ENTPD1: variants seen among roughly 807,000 people sequenced by gnomAD.
ENTPD1 encodes ATP diphosphohydrolase.
Under a neutral mutation model 57.0 loss-of-function variants are expected in ENTPD1, and 33 were observed. That is an observed-to-expected ratio of 0.58 (90% CI 0.44 to 0.77). The LOEUF is 0.77. Among genes scored for constraint, ENTPD1 ranks in the 30% least tolerant of loss-of-function variants. ENTPD1 has a pLI of 0.00. For missense variants in ENTPD1, 501 were observed against 603.4 expected, an observed-to-expected ratio of 0.83 and a Z score of 1.78; for synonymous variants, 202 against 218.8, an observed-to-expected ratio of 0.92 and a Z score of 0.68.
chr10:95,868,960 T>C lies in ENTPD1; in HGVS notation c.*2577T>C. On this transcript the variant is annotated 3_prime_UTR_variant, in exon 10 of 10. Transcript: ENST00000371205. ...CAGACACAACCTAACCCCAATTATT[T>C]TGGCAGGAAGGTTGGTTTAGAGGCA... 1.0e-6 allele frequency: 1 copy of C among 985,336 alleles called. No homozygotes were observed. Among genetic ancestry groups the C allele is most frequent in the South Asian group, 4.7e-5 (1 of 21,280 alleles). The allele number at this position is 985,336 out of a possible 1,614,324, so 61.0% of individuals were successfully genotyped here. A position where few individuals can be genotyped will look rare whatever the true frequency, so the allele number is the denominator to read the frequency against.
chr10:95,758,031 G>A (rs11188473), intron 1 of ENTPD1, among the ~76,000 whole-genome samples: 5,380 of 23,988 alleles, frequency 0.22, 369 homozygotes, highest in South Asian at 0.24. Context: ...AAAAAAAAAA[G>A]ATTTGGACTG....
chr10:95,705,934 T>C, the ENTPD1 span, among the ~76,000 whole-genome samples: 1 of 152,174 alleles, frequency 6.6e-6, no homozygotes, highest in Non-Finnish European at 1.5e-5. Flanking sequence ...CTCGTCTCTA[T>C]GAAAAATTTA....
At chr10:95,743,323 C>T (rs1159767563) in intron 1 of ENTPD1, among the ~76,000 whole-genome samples, 4 of 152,190 alleles carry the variant, frequency 2.6e-5, no homozygotes, top group Non-Finnish European at 5.9e-5. Flanking sequence ...GTGTTATCAA[C>T]ATGATTTATC....
At chr10:95,788,852 TAAAC>T (rs2098191399) in intron 1 of ENTPD1, among the ~76,000 whole-genome samples, 1 of 152,188 alleles carries the variant, frequency 6.6e-6, no homozygotes, top group South Asian at 2.1e-4. Context: ...TTTTATAAAA[TAAAC>T]AGTTTTCCCC....
intron 3 of ENTPD1, among the ~76,000 whole-genome samples, chr10:95,840,791 ACTTTTATCT>A (rs1313481295): frequency 2.0e-5 from 3 of 152,098 alleles, no homozygotes; most frequent in Non-Finnish European, 2.9e-5. Context: ...AGTCTCTCTG[ACTTTTATCT>A]CTCTTAGCCT....
Position 95,823,302 on chromosome 10 carries a change from G to C in ENTPD1, c.82G>C (p.Ala28Pro), listed in dbSNP as rs1407512982. 10 of 1,614,178 alleles carry C rather than the reference G, an allele frequency of 6.2e-6. No homozygotes were observed. Among genetic ancestry groups the C allele is most frequent in the Non-Finnish European group, 8.5e-6 (10 of 1,180,024 alleles). The stretch of plus-strand genomic sequence containing the variant: ...CATCCTTGGCTTCTCCTCTATCATA[G>C]CTGTGATAGCTTTGCTTGCTGTGGG... Reference protein sequence around the residue: ...LAILGFSSIIAVIALLAVGLT... With the variant: ...LAILGFSSIIPVIALLAVGLT... The change falls in exon 2 of 10, where the codon GCT (alanine) becomes CCT (proline). Residue 28 changes from alanine to proline, a missense_variant. Transcript: ENST00000371205.
rs546375081 is a variant in ENTPD1, at chr10:95,854,621, T to C, written c.1075-5848T>C. Reference sequence around the variant, plus strand: ...TGCTTTGAATGTGTCCCAGAGATTCTGGTATGTTGTGTCTTTGTTCTCGTT... The same window carrying C: ...TGCTTTGAATGTGTCCCAGAGATTCCGGTATGTTGTGTCTTTGTTCTCGTT... On this transcript the variant is annotated intron_variant, in intron 7 of 9. Coordinates refer to ENST00000371205, the MANE Select transcript of ENTPD1 (RefSeq NM_001776.6). 3.4e-3 allele frequency among the ~76,000 whole-genome samples: 513 copies of C among 152,364 alleles called. 2 individuals carry two copies. Among genetic ancestry groups the C allele is most frequent in the African/African-American group, 0.012 (485 of 41,578 alleles).
intron 1 of ENTPD1, among the ~76,000 whole-genome samples, chr10:95,783,839 A>G (rs892977890): frequency 6.6e-6 from 1 of 152,166 alleles, no homozygotes; most frequent in Non-Finnish European, 1.5e-5. Flanking sequence ...ACAAGTATTT[A>G]TGGTTGCCTG....
Position 95,872,786 on chromosome 10 carries a change from A to G in ENTPD1, c.*6403A>G, listed in dbSNP as rs2141031351. 3 of 985,306 alleles carry G rather than the reference A, an allele frequency of 3.0e-6. No individual in the cohort carries two copies. Among genetic ancestry groups the G allele is most frequent in the African/African-American group, 1.7e-5 (1 of 57,310 alleles). The allele number at this position is 985,306 out of a possible 1,614,324, so 61.0% of individuals were successfully genotyped here. ...CGCACCACTAGTTCTGCTTCACTCT[A>G]TTTATCTCTTGATGTAACCATCTTC... On this transcript the variant is annotated 3_prime_UTR_variant, in exon 10 of 10. Coordinates refer to ENST00000371205, the MANE Select transcript of ENTPD1 (RefSeq NM_001776.6).
intron 7 of ENTPD1, 124 bp from the exon 8 acceptor site, chr10:95,860,345 C>CT (rs768286998): frequency 1.4e-4 from 109 of 756,966 alleles, no homozygotes; most frequent in Non-Finnish European, 2.2e-4. Flanking sequence ...TGCAATATCA[C>CT]TTTGTGTGTT....
chr10:95,697,250 C>T, the ENTPD1 span, among the ~76,000 whole-genome samples: 1 of 152,006 alleles, frequency 6.6e-6, no homozygotes, highest in African/African-American at 2.4e-5. Context: ...CAAGCTTATC[C>T]CTACTTGTGC....
At chr10:95,723,470 A>C (rs1378988140) in intron 1 of ENTPD1, among the ~76,000 whole-genome samples, 1 of 152,156 alleles carries the variant, frequency 6.6e-6, no homozygotes, top group Non-Finnish European at 1.5e-5. Flanking sequence ...CTGGGTTCAT[A>C]GCCTAGGGGC....
intron 3 of ENTPD1, among the ~76,000 whole-genome samples, chr10:95,840,124 GCATT>G (rs1273359829): frequency 6.6e-6 from 1 of 152,174 alleles, no homozygotes; most frequent in African/African-American, 2.4e-5. Context: ...TTTGAGGTAT[GCATT>G]ATTATACTAA....
chr10:95,756,178 A>T lies in ENTPD1; in HGVS notation c.-62A>T. 1.9e-6 allele frequency: 3 copies of T among 1,570,688 alleles called. No homozygotes were observed. Among genetic ancestry groups the T allele is most frequent in the Non-Finnish European group, 1.7e-6 (2 of 1,157,322 alleles). On this transcript the variant is annotated 5_prime_UTR_variant, in exon 1 of 10. Coordinates refer to ENST00000371205, the MANE Select transcript of ENTPD1 (RefSeq NM_001776.6). Reference sequence around the variant, plus strand: ...GACCTCTCTCACGGAGACGGACCACAGCAAGCAGAGGCTGGGGGGGGGAAA... The same window carrying T: ...GACCTCTCTCACGGAGACGGACCACTGCAAGCAGAGGCTGGGGGGGGGAAA...
At chr10:95,755,705 C>T (rs1422200024), upstream of ENTPD1, 2 of 1,537,196 alleles carry the variant, frequency 1.3e-6, no homozygotes, top group Admixed American at 3.9e-5. Context: ...GTCATGGGAC[C>T]AGAGGCTTTA....
intron 1 of ENTPD1, among the ~76,000 whole-genome samples, chr10:95,770,689 C>G (rs1341380820): frequency 6.6e-6 from 1 of 152,188 alleles, no homozygotes; most frequent in Admixed American, 6.5e-5. Context: ...CCTACTGTTA[C>G]TCTTCCCAGA....
chr10:95,704,868 A>G, the ENTPD1 span, among the ~76,000 whole-genome samples: 1 of 151,032 alleles, frequency 6.6e-6, no homozygotes. Flanking sequence ...TATTATATAT[A>G]TATATGTATA....
intron 1 of ENTPD1, among the ~76,000 whole-genome samples, chr10:95,719,504 G>A (rs990771846): frequency 6.6e-6 from 1 of 152,192 alleles, no homozygotes; most frequent in Admixed American, 6.5e-5. Context: ...GTTTTGGGAT[G>A]AGGATAAGCC....
chr10:95,856,038 A>G (rs1305656348), intron 7 of ENTPD1, among the ~76,000 whole-genome samples: 1 of 152,186 alleles, frequency 6.6e-6, no homozygotes, highest in Non-Finnish European at 1.5e-5. Context: ...GTGTTTTCCA[A>G]CTTGGTTCCA....
Sources: gnomAD v4.1 joint callset for allele counts (sites outside exome capture counted in the v4.1 genomes callset) on GRCh38, gnomAD v4.1.1 for gene constraint, MANE v1.5 for transcripts, NCBI Gene and HGNC (gene_info 2026-07-23, HGNC 2026-07-21) for gene names.